The following THSD4 variants were observed in gnomAD, a reference collection of about 807,000 sequenced individuals.
THSD4 encodes the protein thrombospondin type 1 domain containing 4, also known as thrombospondin type-1 domain-containing protein 4.
THSD4 carries 69 observed loss-of-function variants against 119.0 expected under a neutral mutation model. The ratio of observed to expected loss-of-function variants is 0.58; its 90% CI spans 0.48 to 0.71. The LOEUF (loss-of-function observed/expected upper bound fraction) is 0.71. THSD4 is among the 30% of genes least tolerant of loss of function. The pLI is 0.00. For synonymous variants in THSD4, 524 were observed against 540.4 expected (o/e 0.97, Z 0.42); for missense variants, 1,393 against 1,391.1 (o/e 1.00, Z -0.02).
chr15:71,519,847 C>T (rs1489699352), intron 7 of THSD4, among the ~76,000 whole-genome samples: 2 of 152,142 alleles, frequency 1.3e-5, no homozygotes, highest in Non-Finnish European at 2.9e-5. Flanking sequence ...ACTGTTTATC[C>T]TACCTCCAGG....
At chr15:71,353,649 C>T (rs2045772322) in intron 6 of THSD4, among the ~76,000 whole-genome samples, 1 of 152,168 alleles carries the variant, frequency 6.6e-6, no homozygotes, top group Non-Finnish European at 1.5e-5. Context: ...AGAGAAGGCC[C>T]ATGCTTTTAT....
intron 7 of THSD4, among the ~76,000 whole-genome samples, chr15:71,531,596 G>A (rs1222195134): frequency 6.6e-6 from 1 of 152,230 alleles, no homozygotes; most frequent in Non-Finnish European, 1.5e-5. Context: ...TCATGAGCAA[G>A]TCACTTAACT....
At position 71,758,043 on chromosome 15, in the gene THSD4, A is replaced by G. The variant is rs749556262; in HGVS notation, c.2557A>G (p.Lys853Glu). The G allele has an allele frequency of 4.4e-6, 7 of 1,603,056 alleles. No homozygotes were observed. In the Admixed American group the frequency reaches 1.2e-4, roughly 27 times the overall value. Residue 853 changes from lysine (K) to glutamate (E), a missense_variant, in exon 15 of 18, where the codon AAG becomes GAG. Transcript: ENST00000261862. Reference protein sequence around the residue: ...TPCDNGPCTGKVEWFAGSWSQ... With the variant: ...TPCDNGPCTGEVEWFAGSWSQ... ...ATGTGACAACGGACCCTGCACGGGC[A>G]AGGTGGAGTGGTTTGCCGGGAGCTG...
chr15:71,753,998 AGTCAGATG>A (rs2053494028), intron 14 of THSD4, among the ~76,000 whole-genome samples: 2 of 152,034 alleles, frequency 1.3e-5, no homozygotes, highest in South Asian at 4.1e-4. Context: ...TAAGTTAGCT[AGTCAGATG>A]GAAATTACTT....
At position 71,724,068 on chromosome 15, in the gene THSD4, TAAA is replaced by T. The variant is rs71154796; in HGVS notation, c.1358-4462_1358-4460del. Among the ~76,000 whole-genome samples the T allele has an allele frequency of 3.5e-3, 435 of 123,550 alleles. 4 individuals carry two copies. Among genetic ancestry groups the T allele is most frequent in the South Asian group, 7.7e-3 (26 of 3,390 alleles). 81.1% of individuals were successfully genotyped at this position (123,550 alleles called of 152,430 possible). On this transcript the variant is annotated intron_variant, in intron 8 of 17. Transcript: ENST00000261862. ...ACAGGAGTAAAACCTTGTCTTTATT[TAAA>T]AAAAAAAAAAAAAAAAAATGAATAG...
chr15:71,617,893 G>T lies in THSD4; in HGVS notation c.1153-42637G>T, dbSNP rs149428948. On this transcript the variant is annotated intron_variant, in intron 7 of 17. Transcript: ENST00000261862. ...ATTGAATTATGAAAACAATTTTCCA[G>T]TTAGCTCCAGCGTTTCTTGATTTCT... Among the ~76,000 whole-genome samples, 769 of 152,278 alleles carry T rather than the reference G, an allele frequency of 5.0e-3. 4 individuals are homozygous for T. The highest frequency in any genetic ancestry group is 0.018 in the African/African-American group (738 of 41,550).
chr15:71,161,267 T>C (rs952403314), intron 3 of THSD4, among the ~76,000 whole-genome samples: 4 of 152,116 alleles, frequency 2.6e-5, no homozygotes, highest in African/African-American at 7.2e-5. Flanking sequence ...TAGGTCCATT[T>C]GGTCTATGGT....
chr15:71,530,826 G>C (rs1396797061), intron 7 of THSD4, among the ~76,000 whole-genome samples: 1 of 151,780 alleles, frequency 6.6e-6, no homozygotes, highest in Non-Finnish European at 1.5e-5. Flanking sequence ...CTTTGCCTCT[G>C]CCTTCAGGAA....
intron 7 of THSD4, among the ~76,000 whole-genome samples, chr15:71,434,545 G>A (rs2046985592): frequency 6.6e-6 from 1 of 151,186 alleles, no homozygotes; most frequent in African/African-American, 2.4e-5. Context: ...AGGAAGTAGG[G>A]GCAAAAGTAG....
intron 7 of THSD4, among the ~76,000 whole-genome samples, chr15:71,492,801 C>T (rs2047942097): frequency 6.6e-6 from 1 of 152,098 alleles, no homozygotes; most frequent in African/African-American, 2.4e-5. Context: ...CAATTCCATG[C>T]TCATGGAACC....
At chr15:71,346,387 T>C (rs1435013740) in intron 6 of THSD4, among the ~76,000 whole-genome samples, 1 of 152,262 alleles carries the variant, frequency 6.6e-6, no homozygotes, top group African/African-American at 2.4e-5. Flanking sequence ...GGTGTCAGCA[T>C]GGACACATGG....
At chr15:71,499,928 A>G (rs2048085586) in intron 7 of THSD4, among the ~76,000 whole-genome samples, 1 of 152,192 alleles carries the variant, frequency 6.6e-6, no homozygotes, top group African/African-American at 2.4e-5. Flanking sequence ...ATTGTGAGTC[A>G]TGTAGCAGTG....
intron 7 of THSD4, among the ~76,000 whole-genome samples, chr15:71,546,102 T>C (rs2048833114): frequency 6.6e-6 from 1 of 152,206 alleles, no homozygotes; most frequent in African/African-American, 2.4e-5. Flanking sequence ...ATAGTCATCA[T>C]AACCATAGGA....
chr15:71,484,791 A>G (rs1036688060), intron 7 of THSD4, among the ~76,000 whole-genome samples: 1 of 152,146 alleles, frequency 6.6e-6, no homozygotes, highest in Non-Finnish European at 1.5e-5. Flanking sequence ...AACCCTTGTG[A>G]TGGAGTACGA....
At chr15:71,736,953 T>A (rs2053125598) in intron 10 of THSD4, among the ~76,000 whole-genome samples, 1 of 152,206 alleles carries the variant, frequency 6.6e-6, no homozygotes, top group East Asian at 1.9e-4. Flanking sequence ...GCCACACCTG[T>A]GTGTATGTGT....
intron 1 of THSD4, among the ~76,000 whole-genome samples, chr15:71,132,888 C>G (rs1226883933): frequency 6.6e-6 from 1 of 152,208 alleles, no homozygotes; most frequent in African/African-American, 2.4e-5. Flanking sequence ...AGAACTGAGG[C>G]CTTGTATTGG....
At chr15:71,764,893 C>A (rs1258847819) in intron 15 of THSD4, 127 bp from the exon 16 acceptor site, 9 of 1,221,460 alleles carry the variant, frequency 7.4e-6, no homozygotes, top group Non-Finnish European at 1.0e-5. Flanking sequence ...TCCAAGTTCT[C>A]CTGGGTTCTT....
At chr15:71,485,657 C>T (rs1473655679) in intron 7 of THSD4, among the ~76,000 whole-genome samples, 1 of 151,816 alleles carries the variant, frequency 6.6e-6, no homozygotes, top group African/African-American at 2.4e-5. Context: ...CCTCTACAGA[C>T]CACTTGTCCA....
chr15:71,540,946 C>T (rs981305671), intron 7 of THSD4, among the ~76,000 whole-genome samples: 2 of 152,150 alleles, frequency 1.3e-5, no homozygotes, highest in Non-Finnish European at 2.9e-5. Context: ...TGGTCTCGAA[C>T]TCCTGACCTC....
Sources: allele counts gnomAD v4.1 joint callset (sites outside exome capture counted in the v4.1 genomes callset), GRCh38; gene constraint gnomAD v4.1.1; transcripts MANE v1.5; gene names NCBI Gene and HGNC (gene_info 2026-07-23, HGNC 2026-07-21).